RBBP8NL: variants seen among roughly 807,000 people sequenced by gnomAD.
The protein encoded by RBBP8NL is RBBP8 N-terminal-like protein.
In RBBP8NL, 59 loss-of-function variants were observed where a neutral mutation model predicts 62.2. The observed-to-expected ratio is 0.95, with a 90% confidence interval of 0.77 to 1.18. The LOEUF (loss-of-function observed/expected upper bound fraction) is 1.18. Among genes scored for constraint, RBBP8NL ranks in the 50% most tolerant of loss-of-function variants. The pLI is 0.00. For missense variants in RBBP8NL, 896 were observed against 899.5 expected (o/e 1.00, Z 0.05); for synonymous variants, 412 against 394.1 (o/e 1.05, Z -0.54).
At chr20:62,419,782 T>A in intron 1 of RBBP8NL, 52 bp from the exon 2 acceptor site, 1 of 895,792 alleles carries the variant, frequency 1.1e-6, no homozygotes, top group Non-Finnish European at 1.7e-6. Flanking sequence ...GCTTGTGGGC[T>A]GTGGAGTCCA....
intron 2 of RBBP8NL, 76 bp downstream of exon 2, chr20:62,419,511 C>G (rs1392238603): frequency 1.4e-6 from 2 of 1,475,806 alleles, no homozygotes; most frequent in African/African-American, 2.8e-5. Flanking sequence ...CATGGGTGCA[C>G]AGTGGCCTGC....
At chr20:62,413,094 T>G (rs932104553) in intron 11 of RBBP8NL, among the ~76,000 whole-genome samples, 194 bp from the exon 12 acceptor site, 1 of 152,262 alleles carries the variant, frequency 6.6e-6, no homozygotes, top group Non-Finnish European at 1.5e-5. Context: ...TCCCCATCAG[T>G]TGGGGTTCCC....
At chr20:62,415,465 C>A in intron 8 of RBBP8NL, 113 bp downstream of exon 8, 1 of 1,396,312 alleles carries the variant, frequency 7.2e-7, no homozygotes, top group Non-Finnish European at 1.0e-6. Context: ...AAAGGAGGGG[C>A]ACATTCAGGG....
chr20:62,417,503 G>GCAC (rs1988598805), intron 3 of RBBP8NL, among the ~76,000 whole-genome samples, 184 bp from the exon 4 acceptor site: 2 of 120,918 alleles, frequency 1.7e-5, no homozygotes, highest in African/African-American at 8.3e-5. Flanking sequence ...TCCCGTCCAC[G>GCAC]CAGCCCCCCC....
chr20:62,423,205 G>C (rs915440909), intron 1 of RBBP8NL, among the ~76,000 whole-genome samples: 1 of 152,158 alleles, frequency 6.6e-6, no homozygotes, highest in Non-Finnish European at 1.5e-5. Flanking sequence ...ACGGAATCTT[G>C]ACCACACCAC....
chr20:62,416,055 A>T (rs1988557503), intron 6 of RBBP8NL, 109 bp downstream of exon 6: 7 of 1,462,946 alleles, frequency 4.8e-6, no homozygotes, highest in Middle Eastern at 2.0e-4. Context: ...CTGTCCCGAC[A>T]CTGCCTGAGA....
At chr20:62,418,278 C>T (rs1012770948) in intron 3 of RBBP8NL, 145 bp downstream of exon 3, 24 of 834,688 alleles carry the variant, frequency 2.9e-5, no homozygotes, top group Non-Finnish European at 4.6e-5. Context: ...TGACCTTGGA[C>T]AAGTGACTCC....
chr20:62,413,176 T>A (rs994968012), intron 11 of RBBP8NL, among the ~76,000 whole-genome samples: 3 of 152,362 alleles, frequency 2.0e-5, no homozygotes, highest in South Asian at 4.1e-4. Context: ...AAGGTGCTTT[T>A]CCCCCTCACT....
chr20:62,419,737 A>C lies in RBBP8NL; in HGVS notation c.-83-7T>G. ...CTGCCCCTCTGTGTCCATCCTGAAG[A>C]GGAGGAAGAGGGGACAGGGATCCGC... On this transcript the variant is annotated splice_polypyrimidine_tract_variant and splice_region_variant and intron_variant, in intron 1 of 13. Coordinates refer to ENST00000252998, the MANE Select transcript of RBBP8NL (RefSeq NM_080833.3). 7.1e-7 allele frequency: 1 copy of C among 1,402,210 alleles called. No individual in the cohort carries two copies. Among genetic ancestry groups the C allele is most frequent in the Middle Eastern group, 1.8e-4 (1 of 5,614 alleles). 86.9% of individuals were successfully genotyped at this position (1,402,210 alleles called of 1,614,324 possible).
In RBBP8NL at chr20:62,413,928, G is replaced by A; in HGVS notation, c.1423C>T (p.Pro475Ser). ...GGTCCGGACTGGGTGGGTGGCTCGG[G>A]GCTGGCAGTGTGGGCAGCGGCAGGG... ...LSPAAAHTASPEPPTQSGPLT... is the reference protein window; with the variant it reads ...LSPAAAHTASSEPPTQSGPLT... The change falls in exon 10 of 14, where the codon CCC becomes TCC. Residue 475 changes from proline to serine, a missense_variant. Pro to Ser is a moderately conservative substitution (Grantham distance 74). Transcript: ENST00000252998. 6.3e-7 allele frequency: 1 copy of A among 1,591,084 alleles called. No individual in the cohort carries two copies. Among genetic ancestry groups the A allele is most frequent in the Non-Finnish European group, 8.5e-7 (1 of 1,169,658 alleles).
rs1988532760 is a variant in RBBP8NL at position 62,415,168 on chromosome 20, C to T, written c.747G>A (p.Arg249=). 1 of 1,518,674 alleles carries T rather than the reference C, an allele frequency of 6.6e-7. No individual in the cohort carries two copies. Among genetic ancestry groups the T allele is most frequent in the Non-Finnish European group, 8.8e-7 (1 of 1,131,696 alleles). The allele number at this position is 1,518,674 out of a possible 1,614,324, so 94.1% of individuals were successfully genotyped here. ...CATACGCTGGGCTGGGTGGGCTGCT[C>T]CTGGCGGGCAGTGGTGGGGGCGTCC... ...ANGTPPPLPA[R]SSPPSPAYER... is the part of the protein sequence containing the mutation. The change falls in exon 9 of 14, where the codon AGG becomes AGA. Residue 249 remains arginine, a synonymous_variant. Coordinates refer to ENST00000252998, the MANE Select transcript of RBBP8NL (RefSeq NM_080833.3).
chr20:62,414,870 C>T (rs1260782103), intron 9 of RBBP8NL, among the ~76,000 whole-genome samples: 1 of 152,132 alleles, frequency 6.6e-6, no homozygotes, highest in East Asian at 1.9e-4. Flanking sequence ...CTGGAGGGTC[C>T]TAGCCACCTG....
chr20:62,414,512 G>C lies in RBBP8NL; in HGVS notation c.839C>G (p.Pro280Arg). Residue 280 changes from proline to arginine, a missense_variant, in exon 10 of 14, where the codon CCG (proline) becomes CGG (arginine). Coordinates refer to ENST00000252998, the MANE Select transcript of RBBP8NL (RefSeq NM_080833.3). ...SRPSAMTHEA[P>R]KLSPKVDRLC... ...CCGGTCCACCTTCGGGGAGAGCTTCGGGGCCTCATGGGTCATGGCGGAGGG... is the reference window on the plus strand; with the variant it reads ...CCGGTCCACCTTCGGGGAGAGCTTCCGGGCCTCATGGGTCATGGCGGAGGG... 1.4e-6 allele frequency: 2 copies of C among 1,446,448 alleles called. No individual in the cohort carries two copies. Among genetic ancestry groups the C allele is most frequent in the South Asian group, 1.5e-5 (1 of 65,868 alleles). The allele number at this position is 1,446,448 out of a possible 1,614,324, so 89.6% of individuals were successfully genotyped here.
intron 1 of RBBP8NL, among the ~76,000 whole-genome samples, chr20:62,421,465 G>C (rs778963294): frequency 4.7e-5 from 7 of 150,478 alleles, no homozygotes; most frequent in Non-Finnish European, 1.0e-4. Flanking sequence ...TGTGCCGTGT[G>C]TGTGCATGCC....
intron 2 of RBBP8NL, among the ~76,000 whole-genome samples, chr20:62,419,224 C>T (rs1019416686): frequency 2.0e-5 from 3 of 152,202 alleles, no homozygotes; most frequent in African/African-American, 4.8e-5. Context: ...CTTCTTTCTG[C>T]CACGCTGGAG....
chr20:62,412,957 G>A, intron 11 of RBBP8NL, 57 bp from the exon 12 acceptor site: 2 of 1,589,294 alleles, frequency 1.3e-6, no homozygotes, highest in Non-Finnish European at 8.6e-7. Flanking sequence ...AGTCTCCCGA[G>A]CCTGCCAGAC....
chr20:62,426,183 G>A lies in RBBP8NL; in HGVS notation c.-84+1277C>T, dbSNP rs539842740. Among the ~76,000 whole-genome samples the A allele has an allele frequency of 5.3e-5, 8 of 151,604 alleles. No homozygotes were observed. In the East Asian group the frequency reaches 5.8e-4, roughly 11 times the overall value. ...TGGTGACAGTGGCAGTGGAAGCAGC[G>A]GCAGCGGCAGTGGCAGTGGCATTAG... On this transcript the variant is annotated intron_variant, in intron 1 of 13. Coordinates refer to ENST00000252998, the MANE Select transcript of RBBP8NL (RefSeq NM_080833.3).
intron 8 of RBBP8NL, 139 bp downstream of exon 8, chr20:62,415,439 G>A (rs2146439357): frequency 7.3e-7 from 1 of 1,364,112 alleles, no homozygotes; most frequent in South Asian, 1.3e-5. Flanking sequence ...GGAGCGCAGT[G>A]GCTCCTGCCC....
At chr20:62,424,651 C>G (rs1028927644) in intron 1 of RBBP8NL, among the ~76,000 whole-genome samples, 1 of 152,188 alleles carries the variant, frequency 6.6e-6, no homozygotes, top group Non-Finnish European at 1.5e-5. Flanking sequence ...CTGAGGCTGG[C>G]AGACCACCTT....
Sources: gnomAD v4.1 joint callset for allele counts (sites outside exome capture counted in the v4.1 genomes callset) on GRCh38, gnomAD v4.1.1 for gene constraint, MANE v1.5 for transcripts, NCBI Gene and HGNC (gene_info 2026-07-23, HGNC 2026-07-21) for gene names.